PRKAG2: variants seen among roughly 807,000 people sequenced by gnomAD.
PRKAG2 encodes the protein 5'-AMP-activated protein kinase subunit gamma-2.
A neutral mutation model predicts 69.6 loss-of-function variants in PRKAG2; 26 were observed. That is an observed-to-expected ratio of 0.37 (90% CI 0.27 to 0.52). The LOEUF (loss-of-function observed/expected upper bound fraction) is 0.52. Ranked by LOEUF, PRKAG2 falls within the 20% of genes least tolerant of loss-of-function variation. The probability of loss-of-function intolerance (pLI) is 0.90; values close to 1 mark genes in which losing one functional copy is unlikely to be tolerated. For missense variants in PRKAG2, 557 were observed against 740.0 expected (o/e 0.75, Z 2.87); for synonymous variants, 293 against 285.0 (o/e 1.03, Z -0.28).
chr7:151,772,984 TGAAA>T lies in PRKAG2; in HGVS notation c.466+8164_466+8167del, dbSNP rs1257330966. Among the ~76,000 whole-genome samples, 173 of 71,826 alleles carry T rather than the reference TGAAA, an allele frequency of 2.4e-3. 3 individuals carry two copies. The highest frequency in any genetic ancestry group is 3.9e-3 in the African/African-American group (62 of 15,706). 47.1% of individuals were successfully genotyped at this position (71,826 alleles called of 152,430 possible). A position where few individuals can be genotyped will look rare whatever the true frequency, so the allele number is the denominator to read the frequency against. On this transcript the variant is annotated intron_variant, in intron 3 of 15. Coordinates refer to ENST00000287878, the MANE Select transcript of PRKAG2 (RefSeq NM_016203.4). ...GACAGAGACCCTGTCTCTAAATGAA[TGAAA>T]GAAAGAAAGAAAGAAAGAAAGAAAG...
intron 1 of PRKAG2, among the ~76,000 whole-genome samples, chr7:151,815,197 C>T (rs55879410): frequency 0.32 from 48,036 of 151,948 alleles, 7,981 homozygotes; most frequent in South Asian, 0.38. Flanking sequence ...CCCCCAACTC[C>T]AACCAGACAG....
intron 11 of PRKAG2, chr7:151,566,610 G>A (rs1186230159): frequency 2.2e-6 from 1 of 449,678 alleles, no homozygotes; most frequent in Non-Finnish European, 4.5e-6. Context: ...TCCTCCTGGT[G>A]TACCTTATAA....
chr7:151,571,983 G>C (rs1807686493), intron 9 of PRKAG2, among the ~76,000 whole-genome samples: 2 of 152,168 alleles, frequency 1.3e-5, no homozygotes, highest in Admixed American at 1.3e-4. Flanking sequence ...GTTGCAGACA[G>C]ACTGGGTCTG....
chr7:151,827,706 A>G (rs2078931727), intron 1 of PRKAG2, among the ~76,000 whole-genome samples: 1 of 148,246 alleles, frequency 6.7e-6, no homozygotes, highest in South Asian at 2.2e-4. Flanking sequence ...GCTTTTCCAA[A>G]CACATATTCC....
At chr7:151,574,776 T>C in intron 8 of PRKAG2, 115 bp downstream of exon 8, 1 of 1,475,648 alleles carries the variant, frequency 6.8e-7, no homozygotes, top group Non-Finnish European at 9.1e-7. Flanking sequence ...CAGCACACCA[T>C]ACCAAAAAAG....
At chr7:151,872,080 C>T (rs765528731) in intron 1 of PRKAG2, among the ~76,000 whole-genome samples, 3 of 152,220 alleles carry the variant, frequency 2.0e-5, no homozygotes, top group Non-Finnish European at 4.4e-5. Flanking sequence ...TCCCCATGGA[C>T]GTGCTGCCCT....
At chr7:151,596,210 A>G (rs1181610148) in intron 5 of PRKAG2, among the ~76,000 whole-genome samples, 1 of 152,200 alleles carries the variant, frequency 6.6e-6, no homozygotes, top group African/African-American at 2.4e-5. Flanking sequence ...ACATAATCTT[A>G]TATATGGAAA....
chr7:151,732,018 A>T (rs1405525817), intron 3 of PRKAG2, among the ~76,000 whole-genome samples: 1 of 152,012 alleles, frequency 6.6e-6, no homozygotes, highest in Non-Finnish European at 1.5e-5. Context: ...TTTTTTGTAG[A>T]GAAGGAGTTT....
intron 3 of PRKAG2, among the ~76,000 whole-genome samples, chr7:151,711,281 T>TGAA (rs375223471): frequency 3.8e-5 from 3 of 79,276 alleles, no homozygotes; most frequent in Non-Finnish European, 7.9e-5. Context: ...CTGAGAGTAC[T>TGAA]GAGTGCTAGG....
intron 7 of PRKAG2, 102 bp downstream of exon 7, chr7:151,576,267 CAT>C: frequency 9.2e-7 from 1 of 1,089,106 alleles, no homozygotes; most frequent in Middle Eastern, 2.0e-4. Flanking sequence ...AACTTGGAAA[CAT>C]GTTTACTAGG....
chr7:151,709,526 CTGTG>C, intron 3 of PRKAG2, among the ~76,000 whole-genome samples: 1 of 151,940 alleles, frequency 6.6e-6, no homozygotes, highest in East Asian at 1.9e-4. Context: ...ACTGAGTGAC[CTGTG>C]TGACATGGTG....
chr7:151,611,401 C>T (rs1563252446), intron 5 of PRKAG2, among the ~76,000 whole-genome samples: 2 of 152,222 alleles, frequency 1.3e-5, no homozygotes, highest in Non-Finnish European at 2.9e-5. Context: ...TTGCCAGAGG[C>T]CGCCCTGTTC....
chr7:151,849,516 TAAC>T (rs1302442716), intron 1 of PRKAG2, among the ~76,000 whole-genome samples: 1 of 152,168 alleles, frequency 6.6e-6, no homozygotes, highest in Non-Finnish European at 1.5e-5. Context: ...GCGGCTGCTG[TAAC>T]AACATACACA....
At chr7:151,866,035 A>AG (rs2080068973) in intron 1 of PRKAG2, among the ~76,000 whole-genome samples, 2 of 151,118 alleles carry the variant, frequency 1.3e-5, no homozygotes, top group Admixed American at 1.3e-4. Flanking sequence ...AAAAAAAAAA[A>AG]GAAAAAGAAA....
chr7:151,627,033 A>G (rs1157119859), intron 5 of PRKAG2, among the ~76,000 whole-genome samples: 1 of 152,152 alleles, frequency 6.6e-6, no homozygotes, highest in East Asian at 1.9e-4. Context: ...ATTTGTAAAG[A>G]GTGATTATTG....
chr7:151,861,778 C>T (rs944853106), intron 1 of PRKAG2, among the ~76,000 whole-genome samples: 1 of 151,890 alleles, frequency 6.6e-6, no homozygotes, highest in Non-Finnish European at 1.5e-5. Flanking sequence ...TGTATTTTAC[C>T]GGTGAGGAAA....
At chr7:151,768,161 T>C (rs1011678033) in intron 3 of PRKAG2, among the ~76,000 whole-genome samples, 13 of 152,186 alleles carry the variant, frequency 8.5e-5, no homozygotes, top group African/African-American at 3.1e-4. Flanking sequence ...GGGGGATCCA[T>C]AGCCATCATC....
intron 1 of PRKAG2, among the ~76,000 whole-genome samples, chr7:151,813,139 C>T (rs2078507989): frequency 6.6e-6 from 1 of 152,086 alleles, no homozygotes; most frequent in Admixed American, 6.5e-5. Context: ...GGAGCTTCCC[C>T]CTCTCACTTA....
chr7:151,579,909 T>C (rs537216997), intron 6 of PRKAG2, among the ~76,000 whole-genome samples: 1 of 152,200 alleles, frequency 6.6e-6, no homozygotes, highest in Non-Finnish European at 1.5e-5. Flanking sequence ...AAGAAAACTT[T>C]AAGATGCTAA....
Sources: allele counts gnomAD v4.1 joint callset (sites outside exome capture counted in the v4.1 genomes callset), GRCh38; gene constraint gnomAD v4.1.1; transcripts MANE v1.5; gene names NCBI Gene and HGNC (gene_info 2026-07-23, HGNC 2026-07-21).